Variants in DNAJC8 observed in about 807,000 individuals in gnomAD.
DNAJC8 encodes the protein dnaJ homolog subfamily C member 8.
DNAJC8 carries 24 observed loss-of-function variants against 43.2 expected under a neutral mutation model. The ratio of observed to expected loss-of-function variants is 0.56; its 90% CI spans 0.40 to 0.78. The LOEUF (loss-of-function observed/expected upper bound fraction) is 0.78, where lower values mean the gene tolerates loss of function less well. Ranked by LOEUF, DNAJC8 falls within the 30% of genes least tolerant of loss-of-function variation. DNAJC8 has a pLI of 0.00. For synonymous variants in DNAJC8, 83 were observed against 98.0 expected (o/e 0.85, Z 0.90); for missense variants, 207 against 299.4 (o/e 0.69, Z 2.28).
intron 2 of DNAJC8, among the ~76,000 whole-genome samples, chr1:28,226,518 A>T (rs2149024125): frequency 6.8e-6 from 1 of 147,622 alleles, no homozygotes; most frequent in African/African-American, 2.5e-5. Flanking sequence ...AATTTTAGAA[A>T]GAAATAAACT....
At chr1:28,215,087 A>T in intron 2 of DNAJC8, 91 bp from the exon 3 acceptor site, 1 of 1,107,310 alleles carries the variant, frequency 9.0e-7, no homozygotes, top group Non-Finnish European at 1.3e-6. Flanking sequence ...TATTATAATC[A>T]GCATCTAGAA....
Position 28,201,038 on chromosome 1 carries a change from G to A in DNAJC8, c.*210C>T, listed in dbSNP as rs1212485685. The A allele has an allele frequency of 3.1e-6, 2 of 643,768 alleles. No homozygotes were observed. Among genetic ancestry groups the A allele is most frequent in the Non-Finnish European group, 5.1e-6 (2 of 392,656 alleles). The allele number at this position is 643,768 out of a possible 1,614,324, so 39.9% of individuals were successfully genotyped here. ...TCTAATACTGGTTGTTCTAGGGGCA[G>A]GGAGAGGGAAAGGTCTTTTTTTAAA... On this transcript the variant is annotated 3_prime_UTR_variant, in exon 9 of 9. Transcript: ENST00000263697.
At position 28,209,971 on chromosome 1, in the gene DNAJC8, C is replaced by T; in HGVS notation, c.399+1G>A. The T allele has an allele frequency of 6.2e-7, 1 of 1,611,094 alleles. No individual in the cohort carries two copies. The highest frequency in any genetic ancestry group is 8.5e-7 in the Non-Finnish European group (1 of 1,177,274). Reference sequence around the variant, plus strand: ...AACACAGCAGCACTATAAATACTTACAGTGTGTTCCACGTATTCTTTTCCT... The same window carrying T: ...AACACAGCAGCACTATAAATACTTATAGTGTGTTCCACGTATTCTTTTCCT... On this transcript the variant is annotated splice_donor_variant, in intron 5 of 8. Transcript: ENST00000263697. LOFTEE classifies it high-confidence loss of function.
In DNAJC8 at chr1:28,205,305, C is replaced by T. The variant is rs1436624266; in HGVS notation, c.516G>A (p.Glu172=). ...VYKQTMKLFA[E]LEIKRKEREA... The stretch of plus-strand genomic sequence containing the variant: ...CTCTCTCTTTCCTTTTAATTTCCAG[C>T]TCTGCAAAGAGTTTCATTGTCTGTT... Residue 172 remains glutamate, a synonymous_variant, in exon 7 of 9, where the codon GAG becomes GAA. Transcript: ENST00000263697. 7 of 1,613,714 alleles carry T rather than the reference C, an allele frequency of 4.3e-6. No homozygotes were observed. The highest frequency in any genetic ancestry group is 2.7e-5 in the African/African-American group (2 of 75,048).
intron 7 of DNAJC8, among the ~76,000 whole-genome samples, chr1:28,204,311 C>T (rs1486899093): frequency 6.6e-6 from 1 of 152,160 alleles, no homozygotes; most frequent in African/African-American, 2.4e-5. Flanking sequence ...CCGGATGTAG[C>T]GGCTCATGCC....
At chr1:28,216,505 C>G (rs1333398091) in intron 2 of DNAJC8, among the ~76,000 whole-genome samples, 4 of 152,124 alleles carry the variant, frequency 2.6e-5, no homozygotes, top group Admixed American at 6.5e-5. Flanking sequence ...TTATAGCTTA[C>G]AACTAATCAT....
rs1011403180 is a variant in DNAJC8, at chr1:28,209,875, T to C, written c.399+97A>G. ...AGAGCACAGAAGTAGCCACAGGTTG[T>C]GCCAGTAGGCATTACTATGTTCATA... is the stretch of plus-strand genomic sequence containing the variant. On this transcript the variant is annotated intron_variant, in intron 5 of 8. Coordinates refer to ENST00000263697, the MANE Select transcript of DNAJC8 (RefSeq NM_014280.3). The C allele has an allele frequency of 3.9e-6, 4 of 1,035,002 alleles. No homozygotes were observed. In the African/African-American group the frequency reaches 6.3e-5, roughly 16 times the overall value. The allele number at this position is 1,035,002 out of a possible 1,614,324, so 64.1% of individuals were successfully genotyped here.
At chr1:28,228,276 GAGA>G (rs967356144) in intron 2 of DNAJC8, among the ~76,000 whole-genome samples, 28 of 147,724 alleles carry the variant, frequency 1.9e-4, no homozygotes, top group Admixed American at 1.8e-3. Context: ...TTGAACCTGG[GAGA>G]AGGAGGTTGC....
chr1:28,212,168 A>ATATAT (rs1646815583), intron 3 of DNAJC8, among the ~76,000 whole-genome samples: 2 of 31,012 alleles, frequency 6.4e-5, no homozygotes, highest in Admixed American at 4.9e-4. Flanking sequence ...TAAATAAATA[A>ATATAT]ATATATATAT....
At chr1:28,224,123 G>A (rs918864293) in intron 2 of DNAJC8, among the ~76,000 whole-genome samples, 3 of 152,022 alleles carry the variant, frequency 2.0e-5, no homozygotes, top group Non-Finnish European at 2.9e-5. Flanking sequence ...AAATTACAAC[G>A]TACTGAATAA....
At position 28,214,935 on chromosome 1, in the gene DNAJC8, TG is replaced by T. The variant is rs1334272445; in HGVS notation, c.237+4del. On this transcript the variant is annotated splice_donor_region_variant and intron_variant, in intron 3 of 8. Transcript: ENST00000263697. ...AAAAGTTCAAACAGGGAAATAGTAC[TG>T]TACCTGCCGAAACCTCTTTTTTATT... The T allele has an allele frequency of 6.2e-7, 1 of 1,606,506 alleles. No homozygotes were observed.
At chr1:28,223,526 T>C (rs1646912981) in intron 2 of DNAJC8, among the ~76,000 whole-genome samples, 1 of 151,970 alleles carries the variant, frequency 6.6e-6, no homozygotes, top group Non-Finnish European at 1.5e-5. Flanking sequence ...GGAGTGGCAG[T>C]GGGAAGTTAG....
At chr1:28,217,575 A>G (rs539280595) in intron 2 of DNAJC8, among the ~76,000 whole-genome samples, 1 of 152,274 alleles carries the variant, frequency 6.6e-6, no homozygotes, top group African/African-American at 2.4e-5. Context: ...CTCAATAGGA[A>G]GAGCGAAGTC....
At chr1:28,220,478 T>C (rs559423559) in intron 2 of DNAJC8, among the ~76,000 whole-genome samples, 1 of 152,346 alleles carries the variant, frequency 6.6e-6, no homozygotes, top group South Asian at 2.1e-4. Flanking sequence ...ATGTATTTCT[T>C]ATACTTCTGT....
At chr1:28,213,784 G>A (rs1026577110) in intron 3 of DNAJC8, among the ~76,000 whole-genome samples, 7 of 152,198 alleles carry the variant, frequency 4.6e-5, no homozygotes, top group African/African-American at 1.7e-4. Flanking sequence ...TTGAGAGGCT[G>A]AGGCCAGCAG....
At position 28,233,014 on chromosome 1, in the gene DNAJC8, A is replaced by G. The variant is rs373769279; in HGVS notation, c.-16T>C. ...AAGCCGCCATTTCCCCGGCCCAGCC[A>G]CCACGTGACCCTTCTGCGCAGGCGT... is the stretch of plus-strand genomic sequence containing the variant. On this transcript the variant is annotated 5_prime_UTR_variant, in exon 1 of 9. Transcript: ENST00000263697. 14 of 1,610,360 alleles carry G rather than the reference A, an allele frequency of 8.7e-6. No homozygotes were observed. Among genetic ancestry groups the G allele is most frequent in the South Asian group, 4.4e-5 (4 of 91,066 alleles).
chr1:28,215,083 A>G, intron 2 of DNAJC8, 87 bp from the exon 3 acceptor site: 1 of 1,153,488 alleles, frequency 8.7e-7, no homozygotes, highest in Non-Finnish European at 1.2e-6. Context: ...TATATATTAT[A>G]ATCAGCATCT....
chr1:28,208,877 C>T (rs1319436582), intron 5 of DNAJC8: 1 of 152,504 alleles, frequency 6.6e-6, no homozygotes, highest in Non-Finnish European at 1.5e-5. Context: ...ATGGAACCTC[C>T]TTAAACCACA....
intron 8 of DNAJC8, among the ~76,000 whole-genome samples, chr1:28,203,392 A>T (rs1205384284): frequency 6.6e-6 from 1 of 152,156 alleles, no homozygotes; most frequent in Non-Finnish European, 1.5e-5. Flanking sequence ...ACAATACTCT[A>T]TGCTTACCCC....
Sources: allele counts gnomAD v4.1 joint callset (sites outside exome capture counted in the v4.1 genomes callset), GRCh38; gene constraint gnomAD v4.1.1; transcripts MANE v1.5; gene names NCBI Gene and HGNC (gene_info 2026-07-23, HGNC 2026-07-21).